BMPER: variants seen among roughly 807,000 people sequenced by gnomAD.
BMPER encodes the protein BMP binding endothelial regulator.
Under a neutral mutation model 87.3 loss-of-function variants are expected in BMPER, and 45 were observed. That is an observed-to-expected ratio of 0.52 (90% CI 0.41 to 0.66). The LOEUF is 0.66. BMPER is among the 30% of genes least tolerant of loss of function. The pLI is 0.00. For synonymous variants in BMPER, 326 were observed against 316.2 expected (o/e 1.03, Z -0.33); for missense variants, 784 against 867.5 (o/e 0.90, Z 1.21).
chr7:34,150,688 AAAGG>A (rs1212658068), intron 14 of BMPER, among the ~76,000 whole-genome samples: 4 of 152,172 alleles, frequency 2.6e-5, no homozygotes, highest in Non-Finnish European at 4.4e-5. Context: ...TGAGAGACTT[AAAGG>A]AAGGGTTATG....
At chr7:34,011,398 T>C (rs569351785) in intron 6 of BMPER, among the ~76,000 whole-genome samples, 1 of 151,684 alleles carries the variant, frequency 6.6e-6, no homozygotes, top group South Asian at 2.1e-4. Flanking sequence ...TTGTTTGGCT[T>C]CCTCTAAAGG....
chr7:33,995,846 A>G (rs947166475), intron 6 of BMPER, among the ~76,000 whole-genome samples: 2 of 152,174 alleles, frequency 1.3e-5, no homozygotes, highest in African/African-American at 4.8e-5. Flanking sequence ...CACAAGTTCC[A>G]TATATTCTAC....
intron 13 of BMPER, among the ~76,000 whole-genome samples, chr7:34,129,185 T>A (rs1161423237): frequency 1.3e-5 from 2 of 152,122 alleles, no homozygotes; most frequent in Admixed American, 6.5e-5. Context: ...TATTCTTAGA[T>A]CACAAGCTTA....
chr7:34,063,597 T>A (rs1157696302), intron 11 of BMPER, among the ~76,000 whole-genome samples: 1 of 152,206 alleles, frequency 6.6e-6, no homozygotes, highest in Admixed American at 6.5e-5. Context: ...AGGAGGCCAA[T>A]GAAGTACGAC....
chr7:33,907,834 G>A (rs955893108), intron 2 of BMPER, among the ~76,000 whole-genome samples: 3 of 152,290 alleles, frequency 2.0e-5, no homozygotes, highest in Non-Finnish European at 2.9e-5. Flanking sequence ...GTGTGGCGCT[G>A]GAGAAGGAAT....
chr7:33,991,463 T>C (rs192455452), intron 6 of BMPER, among the ~76,000 whole-genome samples: 147 of 152,288 alleles, frequency 9.7e-4, no homozygotes, highest in African/African-American at 3.3e-3. Flanking sequence ...GGTGGTGATA[T>C]CCCCTGTATC....
At chr7:34,118,284 A>G (rs1176685233) in intron 13 of BMPER, among the ~76,000 whole-genome samples, 1 of 152,212 alleles carries the variant, frequency 6.6e-6, no homozygotes, top group African/African-American at 2.4e-5. Context: ...CAGCCTGGGC[A>G]ACAAGAGCAA....
At chr7:34,037,452 G>A (rs1249913908) in intron 6 of BMPER, among the ~76,000 whole-genome samples, 5 of 152,018 alleles carry the variant, frequency 3.3e-5, no homozygotes, top group African/African-American at 4.8e-5. Context: ...CCCCTCCACC[G>A]AGACCGGTTG....
At chr7:34,018,155 C>T (rs1787083422) in intron 6 of BMPER, among the ~76,000 whole-genome samples, 2 of 151,848 alleles carry the variant, frequency 1.3e-5, no homozygotes, top group Admixed American at 1.3e-4. Flanking sequence ...AGTTTTTACC[C>T]TTCAACTTCA....
At chr7:33,940,047 G>A in intron 3 of BMPER, 1 of 239,382 alleles carries the variant, frequency 4.2e-6, no homozygotes, top group Non-Finnish European at 9.8e-6. Flanking sequence ...AATTGGAATT[G>A]TAACTTATGC....
intron 2 of BMPER, among the ~76,000 whole-genome samples, chr7:33,918,506 G>T (rs903239680): frequency 2.0e-5 from 3 of 152,152 alleles, no homozygotes; most frequent in African/African-American, 7.2e-5. Flanking sequence ...CAGCCTGCTG[G>T]GTCTCTCCTG....
intron 3 of BMPER, among the ~76,000 whole-genome samples, chr7:33,941,744 G>A (rs1338006183): frequency 6.6e-6 from 1 of 152,200 alleles, no homozygotes; most frequent in Non-Finnish European, 1.5e-5. Context: ...AAATACAGAT[G>A]AAGCTTCGCT....
intron 13 of BMPER, among the ~76,000 whole-genome samples, chr7:34,108,934 T>C (rs1378023247): frequency 6.6e-6 from 1 of 152,148 alleles, no homozygotes; most frequent in Non-Finnish European, 1.5e-5. Context: ...TGGGTGGTCA[T>C]GGAAGGGGTT....
intron 13 of BMPER, among the ~76,000 whole-genome samples, chr7:34,124,996 T>TAA (rs945492865): frequency 1.4e-5 from 2 of 145,330 alleles, no homozygotes; most frequent in Non-Finnish European, 1.5e-5. Context: ...CTTGCATTCC[T>TAA]AAAAAAAAAA....
intron 6 of BMPER, among the ~76,000 whole-genome samples, chr7:34,004,853 G>A (rs1786683904): frequency 6.6e-6 from 1 of 152,126 alleles, no homozygotes; most frequent in South Asian, 2.1e-4. Flanking sequence ...AGGTTAGCCA[G>A]CAATAAGAGT....
intron 7 of BMPER, 29 bp from the exon 8 acceptor site, chr7:34,051,832 A>G: frequency 1.3e-6 from 2 of 1,555,212 alleles, no homozygotes; most frequent in Middle Eastern, 1.7e-4. Flanking sequence ...ATTCTGTCTT[A>G]CTTACACTGT....
chr7:34,047,251 A>T (rs1787998855), intron 7 of BMPER, among the ~76,000 whole-genome samples: 2 of 151,262 alleles, frequency 1.3e-5, no homozygotes, highest in Admixed American at 1.3e-4. Context: ...CTTATATGCT[A>T]CCTTCTTCTT....
intron 6 of BMPER, among the ~76,000 whole-genome samples, chr7:33,982,085 C>G (rs1585702659): frequency 6.6e-6 from 1 of 152,198 alleles, no homozygotes; most frequent in African/African-American, 2.4e-5. Context: ...ATCTCCAGCT[C>G]AGATTGCAGT....
At chr7:33,927,682 C>A (rs1784392337) in intron 2 of BMPER, among the ~76,000 whole-genome samples, 1 of 152,026 alleles carries the variant, frequency 6.6e-6, no homozygotes, top group African/African-American at 2.4e-5. Flanking sequence ...ACTCTTTACC[C>A]CCACTCCCCA....
Sources: gnomAD v4.1 joint callset for allele counts (sites outside exome capture counted in the v4.1 genomes callset) on GRCh38, gnomAD v4.1.1 for gene constraint, MANE v1.5 for transcripts, NCBI Gene and HGNC (gene_info 2026-07-23, HGNC 2026-07-21) for gene names.